Variants in PTPRN2 observed in about 807,000 individuals in gnomAD.
PTPRN2 encodes the protein protein tyrosine phosphatase receptor type N2, also known as receptor-type tyrosine-protein phosphatase N2.
PTPRN2 carries 74 observed loss-of-function variants against 118.8 expected under a neutral mutation model. The observed-to-expected ratio is 0.62, with a 90% CI of 0.52 to 0.76. The LOEUF (loss-of-function observed/expected upper bound fraction) is 0.76. PTPRN2 is among the 30% of genes least tolerant of loss of function. The pLI is 0.00. For synonymous variants in PTPRN2, 641 were observed against 608.0 expected, an observed-to-expected ratio of 1.05 and a Z score of -0.80; for missense variants, 1,481 against 1,394.4, an observed-to-expected ratio of 1.06 and a Z score of -0.99.
chr7:157,668,576 C>T (rs753011579), intron 13 of PTPRN2, among the ~76,000 whole-genome samples: 38 of 152,236 alleles, frequency 2.5e-4, no homozygotes, highest in Non-Finnish European at 4.8e-4. Flanking sequence ...AGGCCACTCT[C>T]CAGACTGGAC....
At chr7:158,414,596 G>C (rs1814490034) in intron 2 of PTPRN2, among the ~76,000 whole-genome samples, 1 of 152,214 alleles carries the variant, frequency 6.6e-6, no homozygotes, top group African/African-American at 2.4e-5. Context: ...GCTGGCACGA[G>C]CTCACATGCG....
chr7:157,753,652 CTCCCCTCCGTTCTCT>C (rs2150991826), intron 12 of PTPRN2, among the ~76,000 whole-genome samples: 1 of 148,718 alleles, frequency 6.7e-6, no homozygotes, highest in East Asian at 2.1e-4. Flanking sequence ...GCCTTAACGC[CTCCCCTCCGTTCTCT>C]ACCATGTGCC....
chr7:157,879,151 C>T (rs111721415), intron 12 of PTPRN2, among the ~76,000 whole-genome samples: 2 of 102,594 alleles, frequency 1.9e-5, no homozygotes, highest in Admixed American at 1.1e-4. Flanking sequence ...TGGGGCTGGA[C>T]GGGTCAGTGT....
chr7:158,144,384 T>C (rs1045660793), intron 6 of PTPRN2, among the ~76,000 whole-genome samples: 1 of 152,110 alleles, frequency 6.6e-6, no homozygotes, highest in African/African-American at 2.4e-5. Flanking sequence ...ACACCCGTAA[T>C]CCCAGCACTT....
chr7:158,150,270 T>G (rs1322507282), intron 6 of PTPRN2, among the ~76,000 whole-genome samples: 1 of 152,212 alleles, frequency 6.6e-6, no homozygotes, highest in African/African-American at 2.4e-5. Context: ...TTTAAACAAG[T>G]TGAATCCAGG....
chr7:158,333,263 G>A (rs10231042), intron 2 of PTPRN2, among the ~76,000 whole-genome samples: 89,061 of 93,238 alleles, frequency 0.96, 42,924 homozygotes, highest in African/African-American at 0.97. Context: ...TCGCCCGCAG[G>A]AGTCACTCAC....
chr7:158,383,275 C>T (rs573088776), intron 2 of PTPRN2, among the ~76,000 whole-genome samples: 2 of 152,298 alleles, frequency 1.3e-5, no homozygotes, highest in South Asian at 4.2e-4. Context: ...GAGGCAAAAG[C>T]AGCATGCAGG....
At chr7:157,833,561 C>A (rs147393773) in intron 12 of PTPRN2, among the ~76,000 whole-genome samples, 1 of 147,236 alleles carries the variant, frequency 6.8e-6, no homozygotes, top group African/African-American at 2.5e-5. Flanking sequence ...GAGATGTGGC[C>A]GGTGCCCATC....
intron 11 of PTPRN2, among the ~76,000 whole-genome samples, chr7:158,070,989 G>A (rs575564073): frequency 1.7e-5 from 2 of 120,280 alleles, no homozygotes; most frequent in Non-Finnish European, 3.4e-5. Context: ...GCCCGTGGTG[G>A]TGGAGGTGCT....
At chr7:158,151,343 C>G in intron 6 of PTPRN2, among the ~76,000 whole-genome samples, 1 of 134,232 alleles carries the variant, frequency 7.4e-6, no homozygotes, top group Non-Finnish European at 1.5e-5. Flanking sequence ...TCTCCCTGCC[C>G]ACACCGCCCG....
At chr7:158,178,455 A>G (rs1297274661) in intron 5 of PTPRN2, among the ~76,000 whole-genome samples, 1 of 151,612 alleles carries the variant, frequency 6.6e-6, no homozygotes, top group East Asian at 1.9e-4. Context: ...AAGGTAATCG[A>G]TTTTCCTTTC....
rs113629540 is a variant in PTPRN2, at chr7:157,674,264, C to A, written c.2001+8461G>T. Among the ~76,000 whole-genome samples the A allele has an allele frequency of 6.6e-6, 1 of 152,088 alleles. No homozygotes were observed. The highest frequency in any genetic ancestry group is 1.5e-5 in the Non-Finnish European group (1 of 68,016). ...GCCTGGGAGAGAAGAGACAGCCAGG[C>A]GGCGAGGGACTTGTCCTGTGGAGGC... On this transcript the variant is annotated intron_variant, in intron 13 of 22. Transcript: ENST00000389418. This position sits in a 1 kb window ranked among gnomAD's most constrained non-coding sequence, Gnocchi z 4.5.
At chr7:158,474,590 A>G (rs1364846694) in intron 2 of PTPRN2, among the ~76,000 whole-genome samples, 5 of 152,122 alleles carry the variant, frequency 3.3e-5, no homozygotes, top group African/African-American at 1.2e-4. Context: ...CACCTCCACC[A>G]GAGTCAACCG....
rs1305585112 is a variant in PTPRN2, at chr7:157,974,446, C to G, written c.1724-75709G>C. Among the ~76,000 whole-genome samples the G allele has an allele frequency of 6.6e-6, 1 of 152,200 alleles. No individual in the cohort carries two copies. Among genetic ancestry groups the G allele is most frequent in the South Asian group, 2.1e-4 (1 of 4,826 alleles). ...CTGCCCTACTGTGGAGTTAGTGGGTCCACTTCGAGAAGACAGAGACAGAGT... is the reference window on the plus strand; with the variant it reads ...CTGCCCTACTGTGGAGTTAGTGGGTGCACTTCGAGAAGACAGAGACAGAGT... On this transcript the variant is annotated intron_variant, in intron 11 of 22. Coordinates refer to ENST00000389418, the MANE Select transcript of PTPRN2 (RefSeq NM_002847.5). This position sits in a 1 kb window ranked among gnomAD's most constrained non-coding sequence, Gnocchi z 4.0.
chr7:157,696,930 G>A lies in PTPRN2; in HGVS notation c.1789-13993C>T, dbSNP rs71542598. Reference sequence around the variant, plus strand: ...ACTGGGTCTTGGCAGAGCCCTCACCGTCTACTCATGCATACTGGGTCTTGG... The same window carrying A: ...ACTGGGTCTTGGCAGAGCCCTCACCATCTACTCATGCATACTGGGTCTTGG... On this transcript the variant is annotated intron_variant, in intron 12 of 22. Coordinates refer to ENST00000389418, the MANE Select transcript of PTPRN2 (RefSeq NM_002847.5). 9.1e-4 allele frequency among the ~76,000 whole-genome samples: 81 copies of A among 89,380 alleles called. 6 individuals carry two copies. Among genetic ancestry groups the A allele is most frequent in the Admixed American group, 1.2e-3 (10 of 8,344 alleles). 58.6% of individuals were successfully genotyped at this position (89,380 alleles called of 152,430 possible).
intron 11 of PTPRN2, among the ~76,000 whole-genome samples, chr7:157,970,685 T>C (rs1802270062): frequency 7.3e-6 from 1 of 136,496 alleles, no homozygotes; most frequent in African/African-American, 2.7e-5. Context: ...TAGATCCTGG[T>C]GAGCCTTGGT....
At chr7:158,484,402 G>A (rs1820855669) in intron 2 of PTPRN2, among the ~76,000 whole-genome samples, 1 of 152,166 alleles carries the variant, frequency 6.6e-6, no homozygotes, top group Admixed American at 6.5e-5. Context: ...TCACTCTGTT[G>A]CTCAGACTGG....
intron 11 of PTPRN2, among the ~76,000 whole-genome samples, chr7:158,050,103 CA>C (rs1378802334): frequency 6.6e-6 from 1 of 152,116 alleles, no homozygotes; most frequent in Non-Finnish European, 1.5e-5. Flanking sequence ...ATTTATATAA[CA>C]AGCGTGTTCC....
rs923005516 is a variant in PTPRN2 at position 157,694,349 on chromosome 7, G to T, written c.1789-11412C>A. On this transcript the variant is annotated intron_variant, in intron 12 of 22. Coordinates refer to ENST00000389418, the MANE Select transcript of PTPRN2 (RefSeq NM_002847.5). ...TCCTCGTCCACGCCTTGGTGCACCT[G>T]CGGCAATATATTCTGGGTGGCAGAC... Among the ~76,000 whole-genome samples, 43 of 152,166 alleles carry T rather than the reference G, an allele frequency of 2.8e-4. 1 individual carries two copies. Among genetic ancestry groups the T allele is most frequent in the Non-Finnish European group, 1.9e-4 (13 of 68,036 alleles).
Sources: allele counts gnomAD v4.1 joint callset (sites outside exome capture counted in the v4.1 genomes callset), GRCh38; gene constraint gnomAD v4.1.1; non-coding constraint Gnocchi (gnomAD v3.1); transcripts MANE v1.5; gene names NCBI Gene and HGNC (gene_info 2026-07-23, HGNC 2026-07-21).